UBP1: variants seen among roughly 807,000 people sequenced by gnomAD.
UBP1 encodes the protein upstream-binding protein 1.
In UBP1, 22 loss-of-function variants were observed where a neutral mutation model predicts 76.1. The ratio of observed to expected loss-of-function variants is 0.29; its 90% confidence interval spans 0.21 to 0.41. UBP1 has a LOEUF of 0.41. Ranked by LOEUF, UBP1 falls within the 10% of genes least tolerant of loss-of-function variation. UBP1 has a pLI of 1.00. For missense variants in UBP1, 436 were observed against 668.1 expected, an observed-to-expected ratio of 0.65 and a Z score of 3.83; for synonymous variants, 224 against 237.1, an observed-to-expected ratio of 0.94 and a Z score of 0.51.
chr3:33,397,022 C>A, intron 12 of UBP1, 23 bp downstream of exon 12: 2 of 1,576,078 alleles, frequency 1.3e-6, no homozygotes. Context: ...TTATTTCAAG[C>A]AAAACAGTTC....
At chr3:33,437,740 C>A (rs1031400238) in intron 1 of UBP1, among the ~76,000 whole-genome samples, 3 of 152,216 alleles carry the variant, frequency 2.0e-5, no homozygotes, top group African/African-American at 4.8e-5. Context: ...CACTCCAACC[C>A]TCTCAGGGCT....
intron 1 of UBP1, among the ~76,000 whole-genome samples, chr3:33,431,457 G>A (rs764650711): frequency 2.0e-5 from 3 of 152,044 alleles, no homozygotes; most frequent in Non-Finnish European, 4.4e-5. Flanking sequence ...TGAAAGTTCC[G>A]CCGGGTGCAG....
At chr3:33,422,366 T>A (rs1012885027) in intron 2 of UBP1, among the ~76,000 whole-genome samples, 8 of 151,802 alleles carry the variant, frequency 5.3e-5, no homozygotes, top group Admixed American at 1.3e-4. Flanking sequence ...CATAGCAAGA[T>A]CCTGTCTCTA....
intron 2 of UBP1, among the ~76,000 whole-genome samples, chr3:33,423,085 A>G (rs539256392): frequency 6.7e-6 from 1 of 150,248 alleles, no homozygotes; most frequent in South Asian, 2.1e-4. Flanking sequence ...TCTGTCACCC[A>G]GGCTGGAGTG....
intron 13 of UBP1, among the ~76,000 whole-genome samples, chr3:33,395,820 G>A (rs1575450110): frequency 7.5e-6 from 1 of 133,480 alleles, no homozygotes; most frequent in African/African-American, 2.9e-5. Context: ...AGCTGCCAGT[G>A]TTATATTCAT....
At chr3:33,408,115 G>C (rs1047487457) in intron 8 of UBP1, among the ~76,000 whole-genome samples, 1 of 151,754 alleles carries the variant, frequency 6.6e-6, no homozygotes, top group Non-Finnish European at 1.5e-5. Flanking sequence ...AATCCCATCA[G>C]AGTTTTTTTT....
At chr3:33,421,716 C>A (rs2044898964) in intron 2 of UBP1, among the ~76,000 whole-genome samples, 1 of 152,194 alleles carries the variant, frequency 6.6e-6, no homozygotes, top group South Asian at 2.1e-4. Context: ...TTTTTATTTT[C>A]TTTACAGCAT....
intron 1 of UBP1, 124 bp from the exon 2 acceptor site, chr3:33,425,865 GTTTTT>G: frequency 1.5e-6 from 1 of 684,852 alleles, no homozygotes; most frequent in Non-Finnish European, 2.0e-6. Context: ...TTTAGGGATA[GTTTTT>G]TTTTTAAGAT....
Position 33,409,431 on chromosome 3 carries a change from C to T in UBP1, c.708+18G>A. On this transcript the variant is annotated intron_variant, in intron 6 of 15. Transcript: ENST00000283629. Reference sequence around the variant, plus strand: ...AAACTGAGCCTTAATTACAGAAAACCCGGGTTCTCTGTCTTACCTTAAAAA... The same window carrying T: ...AAACTGAGCCTTAATTACAGAAAACTCGGGTTCTCTGTCTTACCTTAAAAA... 1 of 1,614,020 alleles carries T rather than the reference C, an allele frequency of 6.2e-7. No individual in the cohort carries two copies. Among genetic ancestry groups the T allele is most frequent in the South Asian group, 1.1e-5 (1 of 91,084 alleles).
At chr3:33,428,028 A>G (rs759903040) in intron 1 of UBP1, among the ~76,000 whole-genome samples, 2 of 152,138 alleles carry the variant, frequency 1.3e-5, no homozygotes, top group African/African-American at 2.4e-5. Context: ...CTAAAAATAC[A>G]AAAATTAGCT....
rs61119304 is a variant in UBP1 at position 33,426,039 on chromosome 3, A to ATATATATATATG, written c.114-299_114-298insCATATATATATA. Among the ~76,000 whole-genome samples the ATATATATATATG allele has an allele frequency of 3.3e-3, 275 of 82,818 alleles. 7 individuals are homozygous for ATATATATATATG. The highest frequency in any genetic ancestry group is 7.9e-3 in the East Asian group (8 of 1,008). The allele number at this position is 82,818 out of a possible 152,430, so 54.3% of individuals were successfully genotyped here. ...TATATATATATATATATATATATATAGCACTTTAAAAACTTCTTTTAAAAC... is the reference window on the plus strand; with the variant it reads ...TATATATATATATATATATATATATATATATATATATGGCACTTTAAAAACTTCTTTTAAAAC... On this transcript the variant is annotated intron_variant, in intron 1 of 15. Transcript: ENST00000283629.
At chr3:33,393,571 A>C (rs2043852448) in intron 13 of UBP1, 117 bp from the exon 14 acceptor site, 1 of 936,084 alleles carries the variant, frequency 1.1e-6, no homozygotes, top group Admixed American at 3.7e-5. Context: ...AAAAGTAAAA[A>C]AACATTTTAA....
At chr3:33,419,628 C>CAAAAA (rs34615713) in intron 2 of UBP1, among the ~76,000 whole-genome samples, 1 of 100,830 alleles carries the variant, frequency 9.9e-6, no homozygotes, top group Non-Finnish European at 2.2e-5. Context: ...GACTCCATCT[C>CAAAAA]AAAAAAAAAA....
At chr3:33,412,934 T>A in intron 3 of UBP1, 107 bp from the exon 4 acceptor site, 1 of 695,154 alleles carries the variant, frequency 1.4e-6, no homozygotes, top group Non-Finnish European at 2.6e-6. Flanking sequence ...CACATACAAC[T>A]AGATTCTGTT....
chr3:33,397,171 G>A lies in UBP1; in HGVS notation c.1181-36C>T, dbSNP rs186346181. On this transcript the variant is annotated intron_variant, in intron 11 of 15. Coordinates refer to ENST00000283629, the MANE Select transcript of UBP1 (RefSeq NM_014517.5). ...GCAAAAATATTTTTCTCAAATAAAT[G>A]GAAAAAGAACAGAACTGCTTTACAG... The A allele has an allele frequency of 3.3e-4, 497 of 1,503,274 alleles. 3 individuals carry two copies. The highest frequency in any genetic ancestry group is 1.2e-3 in the South Asian group (96 of 77,908). 93.1% of individuals were successfully genotyped at this position (1,503,274 alleles called of 1,614,324 possible). A position where few individuals can be genotyped will look rare whatever the true frequency, so the allele number is the denominator to read the frequency against.
intron 5 of UBP1, among the ~76,000 whole-genome samples, chr3:33,409,836 T>C (rs2044524195): frequency 6.6e-6 from 1 of 152,184 alleles, no homozygotes; most frequent in African/African-American, 2.4e-5. Flanking sequence ...TCACAGTGCC[T>C]CTCCTCTAAT....
intron 14 of UBP1, 165 bp downstream of exon 14, chr3:33,393,147 C>A: frequency 1.3e-6 from 1 of 746,314 alleles, no homozygotes; most frequent in Non-Finnish European, 2.0e-6. Context: ...CACTAGGATG[C>A]CTGAAACTCT....
At chr3:33,441,114 C>A (rs1334261837), upstream of UBP1, among the ~76,000 whole-genome samples, 1 of 152,260 alleles carries the variant, frequency 6.6e-6, no homozygotes, top group Non-Finnish European at 1.5e-5. Context: ...TGGACCGAAC[C>A]ATTAGGACGT....
chr3:33,399,352 G>A (rs1240752864), intron 11 of UBP1, among the ~76,000 whole-genome samples: 1 of 152,160 alleles, frequency 6.6e-6, no homozygotes, highest in African/African-American at 2.4e-5. Flanking sequence ...TGGAGAAGCA[G>A]TGCTTGATAC....
Sources: gnomAD v4.1 joint callset for allele counts (sites outside exome capture counted in the v4.1 genomes callset) on GRCh38, gnomAD v4.1.1 for gene constraint, MANE v1.5 for transcripts, NCBI Gene and HGNC (gene_info 2026-07-23, HGNC 2026-07-21) for gene names.